Variants in DLG2 observed in about 807,000 individuals in gnomAD.
The protein encoded by DLG2 is discs large MAGUK scaffold protein 2.
In DLG2, 45 loss-of-function variants were observed where a neutral mutation model predicts 132.5. The observed-to-expected ratio is 0.34, with a 90% CI of 0.27 to 0.44. DLG2 has a LOEUF of 0.44. Ranked by LOEUF, DLG2 falls within the 20% of genes least tolerant of loss-of-function variation. The probability of loss-of-function intolerance (pLI) is 1.00; values close to 1 mark genes in which losing one functional copy is unlikely to be tolerated. For missense variants in DLG2, 1,045 were observed against 1,196.9 expected, an observed-to-expected ratio of 0.87 and a Z score of 1.87; for synonymous variants, 424 against 419.6, an observed-to-expected ratio of 1.01 and a Z score of -0.13.
At chr11:84,819,991 T>G (rs1329160880) in intron 6 of DLG2, among the ~76,000 whole-genome samples, 1 of 150,430 alleles carries the variant, frequency 6.6e-6, no homozygotes, top group African/African-American at 2.4e-5. Context: ...CCAGGAAAAA[T>G]TCTACTTTTC....
chr11:84,112,053 C>A (rs73515725), intron 9 of DLG2, among the ~76,000 whole-genome samples: 11,036 of 151,902 alleles, frequency 0.073, 1,317 homozygotes, highest in African/African-American at 0.25. Flanking sequence ...CACTCTGTTG[C>A]CCAGACTGGA....
chr11:83,565,053 A>C (rs767830743), intron 19 of DLG2, among the ~76,000 whole-genome samples: 7 of 152,190 alleles, frequency 4.6e-5, no homozygotes, highest in Non-Finnish European at 1.0e-4. Flanking sequence ...CGCCTATCTT[A>C]ATGACTATCA....
chr11:84,050,374 T>G (rs2096345058), intron 11 of DLG2, among the ~76,000 whole-genome samples: 1 of 151,968 alleles, frequency 6.6e-6, no homozygotes, highest in East Asian at 1.9e-4. Context: ...GGGTTGTTTT[T>G]TTCTTGTAAA....
intron 6 of DLG2, among the ~76,000 whole-genome samples, chr11:84,613,248 A>G (rs1324305998): frequency 6.6e-6 from 1 of 152,144 alleles, no homozygotes; most frequent in Non-Finnish European, 1.5e-5. Flanking sequence ...ATTAAATAAT[A>G]CCATGAGATA....
chr11:84,636,351 G>A (rs1177926586), intron 6 of DLG2, among the ~76,000 whole-genome samples: 1 of 152,174 alleles, frequency 6.6e-6, no homozygotes, highest in Non-Finnish European at 1.5e-5. Context: ...TAGTATAACT[G>A]TGACATTGAA....
chr11:85,413,021 A>G (rs1187438206), intron 3 of DLG2, among the ~76,000 whole-genome samples: 2 of 151,620 alleles, frequency 1.3e-5, no homozygotes, highest in Admixed American at 1.3e-4. Context: ...TAATTTACAT[A>G]CCCACCAGCA....
chr11:85,406,226 C>G (rs1294774684), intron 3 of DLG2, among the ~76,000 whole-genome samples: 7 of 150,404 alleles, frequency 4.7e-5, no homozygotes, highest in Non-Finnish European at 1.0e-4. Context: ...GATAAGAAAC[C>G]AGGCTGCAAT....
At position 83,819,749 on chromosome 11, in the gene DLG2, T is replaced by G. The variant is rs1001071746; in HGVS notation, c.1722+13865A>C. 2.0e-5 allele frequency among the ~76,000 whole-genome samples: 3 copies of G among 151,990 alleles called. No homozygotes were observed. In the South Asian group the frequency reaches 6.2e-4, roughly 32 times the overall value. On this transcript the variant is annotated intron_variant, in intron 17 of 27. Transcript: ENST00000376104. ...CATAGAGAAATAACAAGAAATCAAA[T>G]TATAAGGAAGATTAACTATTGACCT...
At chr11:83,635,569 C>T (rs745465798) in intron 18 of DLG2, among the ~76,000 whole-genome samples, 1 of 152,068 alleles carries the variant, frequency 6.6e-6, no homozygotes, top group African/African-American at 2.4e-5. Flanking sequence ...TGGTTGTGTG[C>T]CGGATATGTA....
intron 6 of DLG2, among the ~76,000 whole-genome samples, chr11:84,957,679 G>C (rs968621385): frequency 6.6e-6 from 1 of 152,184 alleles, no homozygotes; most frequent in Admixed American, 6.5e-5. Flanking sequence ...TGCATCAGAA[G>C]AGTCCCTTGC....
chr11:85,429,213 G>C (rs1473994300), intron 3 of DLG2, among the ~76,000 whole-genome samples: 1 of 152,120 alleles, frequency 6.6e-6, no homozygotes, highest in Non-Finnish European at 1.5e-5. Context: ...GGAGGAGCTG[G>C]TACCATTCCT....
intron 7 of DLG2, among the ~76,000 whole-genome samples, chr11:84,368,170 C>T (rs905234862): frequency 6.6e-6 from 1 of 152,058 alleles, no homozygotes; most frequent in African/African-American, 2.4e-5. Context: ...ACTATCAGCT[C>T]TTCTCATTTT....
chr11:84,455,581 A>G (rs1366699976), intron 7 of DLG2, among the ~76,000 whole-genome samples: 3 of 151,350 alleles, frequency 2.0e-5, no homozygotes, highest in Non-Finnish European at 4.4e-5. Context: ...ATTTTTAAAA[A>G]AAGTTAGAAA....
At chr11:84,857,984 C>A (rs1447361305) in intron 6 of DLG2, among the ~76,000 whole-genome samples, 1 of 151,708 alleles carries the variant, frequency 6.6e-6, no homozygotes, top group Non-Finnish European at 1.5e-5. Context: ...CCTGGACTTT[C>A]CAGACTCAAG....
At chr11:85,176,229 A>C (rs2079229420) in intron 4 of DLG2, among the ~76,000 whole-genome samples, 1 of 152,068 alleles carries the variant, frequency 6.6e-6, no homozygotes, top group African/African-American at 2.4e-5. Context: ...CAGGGCTACA[A>C]CAACCAAAAC....
chr11:84,108,312 T>C (rs191188782), intron 9 of DLG2, among the ~76,000 whole-genome samples: 224 of 152,016 alleles, frequency 1.5e-3, no homozygotes, highest in African/African-American at 5.1e-3. Flanking sequence ...TGTATTGAGG[T>C]GATGATCAAG....
At chr11:85,029,124 T>A (rs1018981237) in intron 6 of DLG2, among the ~76,000 whole-genome samples, 1 of 152,130 alleles carries the variant, frequency 6.6e-6, no homozygotes, top group African/African-American at 2.4e-5. Context: ...AAGTTCTGAT[T>A]TATTAGAGAA....
intron 6 of DLG2, among the ~76,000 whole-genome samples, chr11:84,659,677 A>C (rs1460123486): frequency 6.6e-6 from 1 of 152,136 alleles, no homozygotes; most frequent in East Asian, 1.9e-4. Context: ...ATTTTCAATA[A>C]TGTCTCTATA....
At chr11:85,183,779 G>C (rs1046494313) in intron 4 of DLG2, among the ~76,000 whole-genome samples, 6 of 151,806 alleles carry the variant, frequency 4.0e-5, no homozygotes. Flanking sequence ...AAAACAGGCT[G>C]CCCTATTTCT....
Sources: allele counts gnomAD v4.1 joint callset (sites outside exome capture counted in the v4.1 genomes callset), GRCh38; gene constraint gnomAD v4.1.1; transcripts MANE v1.5; gene names NCBI Gene and HGNC (gene_info 2026-07-23, HGNC 2026-07-21).